The following IKZF1 variants were observed in gnomAD, a reference collection of about 807,000 sequenced individuals.
IKZF1 encodes IKAROS family zinc finger 1.
A neutral mutation model predicts 51.7 loss-of-function variants in IKZF1; 10 were observed. That is an observed-to-expected ratio of 0.19 (90% CI 0.12 to 0.33). The LOEUF (loss-of-function observed/expected upper bound fraction) is 0.33. Among genes scored for constraint, IKZF1 ranks in the 10% least tolerant of loss-of-function variants. The probability of loss-of-function intolerance (pLI) is 1.00; values close to 1 mark genes in which losing one functional copy is unlikely to be tolerated. For missense variants in IKZF1, 484 were observed against 707.5 expected (o/e 0.68, Z 3.58); for synonymous variants, 280 against 282.3 (o/e 0.99, Z 0.08).
chr7:50,401,432 GTT>G lies in IKZF1; in HGVS notation c.*806_*807del, dbSNP rs1482082853. ...CCCGTGGGCATATCTGGGGAGCCCTGTTCCCCGCTTTTTCACTCCCATACCTT... is the reference window on the plus strand; with the variant it reads ...CCCGTGGGCATATCTGGGGAGCCCTGCCCCGCTTTTTCACTCCCATACCTT... On this transcript the variant is annotated 3_prime_UTR_variant, in exon 8 of 8. Coordinates refer to ENST00000331340, the MANE Select transcript of IKZF1 (RefSeq NM_006060.6). The G allele has an allele frequency of 4.4e-6, 1 of 226,278 alleles. No homozygotes were observed. Among genetic ancestry groups the G allele is most frequent in the Non-Finnish European group, 8.8e-6 (1 of 113,608 alleles). 14.0% of individuals were successfully genotyped at this position (226,278 alleles called of 1,614,324 possible).
At chr7:50,365,910 T>A (rs1255168649) in intron 3 of IKZF1, among the ~76,000 whole-genome samples, 1 of 152,176 alleles carries the variant, frequency 6.6e-6, no homozygotes, top group Non-Finnish European at 1.5e-5. Flanking sequence ...AAAGAAAATG[T>A]GGTACATATA....
chr7:50,367,957 T>C, intron 3 of IKZF1: 1 of 635,716 alleles, frequency 1.6e-6, no homozygotes, highest in Non-Finnish European at 2.8e-6. Context: ...CTGACTATAC[T>C]CTCTCCTGGT....
chr7:50,383,656 C>T (rs1812498415), intron 5 of IKZF1, among the ~76,000 whole-genome samples: 1 of 152,196 alleles, frequency 6.6e-6, no homozygotes, highest in Admixed American at 6.5e-5. Flanking sequence ...TTGTCCTTCC[C>T]CTCAAGGAGC....
intron 3 of IKZF1, among the ~76,000 whole-genome samples, chr7:50,364,904 C>T (rs1584800462): frequency 6.6e-6 from 1 of 152,340 alleles, no homozygotes; most frequent in East Asian, 1.9e-4. Context: ...AGAGGTGTAG[C>T]AGTCGCACTT....
chr7:50,339,223 G>GTGTGTGTA (rs1207882927), intron 3 of IKZF1, among the ~76,000 whole-genome samples: 6 of 145,060 alleles, frequency 4.1e-5, no homozygotes, highest in Admixed American at 4.0e-4. Flanking sequence ...GGTTGTGTGT[G>GTGTGTGTA]TGTGTGTGTG....
intron 2 of IKZF1, among the ~76,000 whole-genome samples, chr7:50,325,825 T>C (rs920957577): frequency 5.9e-5 from 9 of 152,170 alleles, no homozygotes; most frequent in Non-Finnish European, 1.2e-4. Flanking sequence ...AGTGACTTAA[T>C]GCACATTGCC....
At position 50,376,446 on chromosome 7, in the gene IKZF1, A is replaced by G. The variant is rs1403491428; in HGVS notation, c.161-87A>G. ...TTCTGTTTAGTAGCTCTCCACACCTATTTGATTGTCTTTTTGCTGCTGTGT... is the reference window on the plus strand; with the variant it reads ...TTCTGTTTAGTAGCTCTCCACACCTGTTTGATTGTCTTTTTGCTGCTGTGT... On this transcript the variant is annotated intron_variant, in intron 3 of 7. Transcript: ENST00000331340. The surrounding 1 kb of genome is among the most constrained non-coding windows in gnomAD (Gnocchi z 4.5). 2.6e-6 allele frequency: 4 copies of G among 1,559,768 alleles called. No individual in the cohort carries two copies. Among genetic ancestry groups the G allele is most frequent in the East Asian group, 2.2e-5 (1 of 44,512 alleles).
At chr7:50,379,379 G>A (rs577924205) in intron 4 of IKZF1, among the ~76,000 whole-genome samples, 2 of 152,320 alleles carry the variant, frequency 1.3e-5, no homozygotes, top group East Asian at 1.9e-4. Context: ...GGGCGGTCTC[G>A]CCTCTGCCCA....
chr7:50,332,723 A>G (rs1796685543), intron 3 of IKZF1, among the ~76,000 whole-genome samples: 1 of 152,240 alleles, frequency 6.6e-6, no homozygotes, highest in Non-Finnish European at 1.5e-5. Flanking sequence ...GGCCTGGGAC[A>G]GGGCTTACTA....
At chr7:50,368,078 C>A in intron 3 of IKZF1, 1 of 703,094 alleles carries the variant, frequency 1.4e-6, no homozygotes, top group Non-Finnish European at 2.6e-6. Flanking sequence ...AAGTATATGC[C>A]TTGCTTCTGG....
At chr7:50,355,159 T>C (rs1263229566) in intron 3 of IKZF1, among the ~76,000 whole-genome samples, 2 of 152,148 alleles carry the variant, frequency 1.3e-5, no homozygotes, top group African/African-American at 4.8e-5. Flanking sequence ...TGCAGGCAAA[T>C]GACTGAGATG....
At chr7:50,366,272 T>A (rs1285323019) in intron 3 of IKZF1, among the ~76,000 whole-genome samples, 3 of 152,110 alleles carry the variant, frequency 2.0e-5, no homozygotes, top group East Asian at 1.9e-4. Flanking sequence ...TAAAAAAAAA[T>A]TAATGTCTAA....
intron 2 of IKZF1, among the ~76,000 whole-genome samples, chr7:50,325,256 C>T (rs988079607): frequency 7.5e-6 from 1 of 133,614 alleles, no homozygotes; most frequent in African/African-American, 2.9e-5. Flanking sequence ...CCCACACCCA[C>T]CCCCCAACCC....
intron 2 of IKZF1, among the ~76,000 whole-genome samples, chr7:50,323,932 G>A (rs913467068): frequency 6.6e-6 from 1 of 152,164 alleles, no homozygotes; most frequent in Non-Finnish European, 1.5e-5. Flanking sequence ...GAGGAAAGGA[G>A]TCTTAAAAAA....
intron 3 of IKZF1, among the ~76,000 whole-genome samples, chr7:50,333,692 C>G (rs1188441466): frequency 3.3e-5 from 5 of 152,184 alleles, no homozygotes; most frequent in African/African-American, 1.2e-4. Flanking sequence ...TTCAAGTTTT[C>G]TTTTCTTTCT....
In IKZF1 at chr7:50,376,998, C is replaced by A; in HGVS notation, c.421+205C>A. 2 of 762,842 alleles carry A rather than the reference C, an allele frequency of 2.6e-6. No individual in the cohort carries two copies. Among genetic ancestry groups the A allele is most frequent in the Non-Finnish European group, 4.1e-6 (2 of 490,724 alleles). The allele number at this position is 762,842 out of a possible 1,614,324, so 47.3% of individuals were successfully genotyped here. A position where few individuals can be genotyped will look rare whatever the true frequency, so the allele number is the denominator to read the frequency against. ...TTGTAAAGGACTTCTCAACACGTAC[C>A]AATTCCACCCTATAAATAAAACAAG... On this transcript the variant is annotated intron_variant, in intron 4 of 7. Transcript: ENST00000331340. The surrounding 1 kb of genome is among the most constrained non-coding windows in gnomAD (Gnocchi z 4.5).
chr7:50,359,446 G>A (rs1281322035), intron 3 of IKZF1, among the ~76,000 whole-genome samples: 1 of 152,200 alleles, frequency 6.6e-6, no homozygotes, highest in African/African-American at 2.4e-5. Context: ...GCGGGGGAAT[G>A]TGCGCAGAGT....
chr7:50,382,514 C>T (rs767430909), intron 4 of IKZF1, 26 bp from the exon 5 acceptor site: 6 of 1,603,366 alleles, frequency 3.7e-6, no homozygotes, highest in Non-Finnish European at 5.1e-6. Flanking sequence ...GTTTAGTTCT[C>T]ACCAGCTCTC....
intron 6 of IKZF1, among the ~76,000 whole-genome samples, 198 bp downstream of exon 6, chr7:50,387,668 C>T (rs1322927307): frequency 6.6e-6 from 1 of 152,180 alleles, no homozygotes; most frequent in Admixed American, 6.5e-5. Context: ...AGGTCCTCAT[C>T]TGACCAGAGA....
Sources: allele counts gnomAD v4.1 joint callset (sites outside exome capture counted in the v4.1 genomes callset), GRCh38; gene constraint gnomAD v4.1.1; non-coding constraint Gnocchi (gnomAD v3.1); transcripts MANE v1.5; gene names NCBI Gene and HGNC (gene_info 2026-07-23, HGNC 2026-07-21).